Variants in CAMKK2 observed in about 807,000 individuals in gnomAD.
CAMKK2 encodes calcium/calmodulin dependent protein kinase kinase 2.
CAMKK2 carries 30 observed loss-of-function variants against 67.2 expected under a neutral mutation model. The ratio of observed to expected loss-of-function variants is 0.45; its 90% confidence interval spans 0.33 to 0.61. CAMKK2 has a LOEUF of 0.61. Ranked by LOEUF, CAMKK2 falls within the 20% of genes least tolerant of loss-of-function variation. CAMKK2 has a pLI of 0.02. For missense variants in CAMKK2, 643 were observed against 802.0 expected, an observed-to-expected ratio of 0.80 and a Z score of 2.39; for synonymous variants, 322 against 326.2, an observed-to-expected ratio of 0.99 and a Z score of 0.14.
chr12:121,270,919 G>T lies in CAMKK2; in HGVS notation c.498C>A (p.Thr166=). The part of the protein sequence containing the change: ...MQDCVQLNQY[T]LKDEIGKGSY... ...TTACCTTTCCAATTTCATCCTTCAGGGTATACTGATTCAGCTGCACACAGT... is the reference window on the plus strand; with the variant it reads ...TTACCTTTCCAATTTCATCCTTCAGTGTATACTGATTCAGCTGCACACAGT... Residue 166 remains threonine (T), a synonymous_variant, in exon 3 of 17, where the codon ACC becomes ACA. Coordinates refer to ENST00000404169, the MANE Select transcript of CAMKK2 (RefSeq NM_001270485.2). 7 of 1,613,548 alleles carry T rather than the reference G, an allele frequency of 4.3e-6. No homozygotes were observed. Among genetic ancestry groups the T allele is most frequent in the Non-Finnish European group, 5.1e-6 (6 of 1,179,648 alleles).
chr12:121,241,524 C>A (rs1283401611), intron 16 of CAMKK2, among the ~76,000 whole-genome samples: 1 of 152,232 alleles, frequency 6.6e-6, no homozygotes, highest in Non-Finnish European at 1.5e-5. Context: ...CTGGAGCCGC[C>A]GGTGTGACAG....
intron 16 of CAMKK2, 142 bp from the exon 17 acceptor site, chr12:121,241,011 G>C (rs76743041): frequency 1.3e-6 from 1 of 760,930 alleles, no homozygotes; most frequent in East Asian, 2.7e-5. Context: ...CCCAGTCTTT[G>C]AGATCCTCTC....
In CAMKK2 at chr12:121,263,788, G is replaced by A; in HGVS notation, c.759+18C>T. The A allele has an allele frequency of 6.3e-7, 1 of 1,589,276 alleles. No individual in the cohort carries two copies. Among genetic ancestry groups the A allele is most frequent in the South Asian group, 1.1e-5 (1 of 89,234 alleles). On this transcript the variant is annotated intron_variant, in intron 6 of 16. Coordinates refer to ENST00000404169, the MANE Select transcript of CAMKK2 (RefSeq NM_001270485.2). ...AAGCCAGGGCCTCCCTCCCTCCTGG[G>A]CGCCTCCACCCTTTTACCTCCACCA...
chr12:121,262,337 C>T (rs1307194054), intron 6 of CAMKK2, among the ~76,000 whole-genome samples: 1 of 151,918 alleles, frequency 6.6e-6, no homozygotes, highest in South Asian at 2.1e-4. Flanking sequence ...ACGGTGAAAC[C>T]CCATCTCCAT....
chr12:121,277,999 GAAAGA>G (rs1279312986), intron 1 of CAMKK2, among the ~76,000 whole-genome samples: 1 of 152,088 alleles, frequency 6.6e-6, no homozygotes, highest in African/African-American at 2.4e-5. Flanking sequence ...TGTTTTAAAG[GAAAGA>G]AAATACCTGT....
intron 3 of CAMKK2, 72 bp downstream of exon 3, chr12:121,270,826 C>T (rs1895611175): frequency 4.0e-6 from 5 of 1,239,060 alleles, no homozygotes; most frequent in Non-Finnish European, 6.0e-6. Flanking sequence ...CCCAGCTTTA[C>T]CCCGTTCCCT....
chr12:121,291,267 T>A (rs1323259762), intron 1 of CAMKK2, among the ~76,000 whole-genome samples: 4 of 152,058 alleles, frequency 2.6e-5, no homozygotes, highest in African/African-American at 4.8e-5. Context: ...CCAAACAGAG[T>A]GACAAAAAAA....
rs760949405 is a variant in CAMKK2 at position 121,296,280 on chromosome 12, G to A, written c.-60+358C>T. On this transcript the variant is annotated intron_variant, in intron 1 of 16. Transcript: ENST00000404169. This position sits in a 1 kb window ranked among gnomAD's most constrained non-coding sequence, Gnocchi z 7.1. Reference sequence around the variant, plus strand: ...GATTTCCCCACCTGTCAAACGCGAGGGGCTGGGCCTAGGCCGCCTCCACGA... The same window carrying A: ...GATTTCCCCACCTGTCAAACGCGAGAGGCTGGGCCTAGGCCGCCTCCACGA... 2.6e-5 allele frequency among the ~76,000 whole-genome samples: 4 copies of A among 152,130 alleles called. No homozygotes were observed. The highest frequency in any genetic ancestry group is 5.9e-5 in the Non-Finnish European group (4 of 67,996).
At position 121,240,693 on chromosome 12, in the gene CAMKK2, A is replaced by G. The variant is rs199743351; in HGVS notation, c.*6T>C. On this transcript the variant is annotated 3_prime_UTR_variant, in exon 17 of 17. Transcript: ENST00000404169. The surrounding 1 kb of genome is among the most constrained non-coding windows in gnomAD (Gnocchi z 4.4). ...GCGCGCATGCGAGGTCGAGCGATCC[A>G]GGCAGCTACTCGGGCTCCATGGCCT... The G allele has an allele frequency of 1.9e-6, 3 of 1,593,652 alleles. No homozygotes were observed. The highest frequency in any genetic ancestry group is 1.7e-6 in the Non-Finnish European group (2 of 1,173,610).
intron 1 of CAMKK2, among the ~76,000 whole-genome samples, chr12:121,286,018 G>A (rs943304222): frequency 3.9e-5 from 6 of 152,200 alleles, no homozygotes; most frequent in Non-Finnish European, 8.8e-5. Context: ...AAAGAGCTGA[G>A]GTTGAAGACA....
rs1190494424 is a variant in CAMKK2, at chr12:121,240,846, A to C, written c.1620T>G (p.Pro540=). 1.2e-6 allele frequency: 2 copies of C among 1,612,384 alleles called. No individual in the cohort carries two copies. The highest frequency in any genetic ancestry group is 2.7e-5 in the African/African-American group (2 of 74,924). The change falls in exon 17 of 17, where the codon CCT becomes CCG. Residue 540 remains proline (P), a synonymous_variant. Transcript: ENST00000404169. This position sits in a 1 kb window ranked among gnomAD's most constrained non-coding sequence, Gnocchi z 4.4. ...CACGGGGGGCGGGTCGGTGCCCTGG[A>C]GGTTGTCTTCGCTGCCTTGCTTCCT... ...ELKEARQRRQ[P]PGHRPAPRGG...
chr12:121,250,435 C>T (rs1308217963), intron 11 of CAMKK2, among the ~76,000 whole-genome samples: 1 of 152,184 alleles, frequency 6.6e-6, no homozygotes, highest in African/African-American at 2.4e-5. Context: ...AAGGGCTTAG[C>T]CTGGATCGCG....
chr12:121,246,490 G>A (rs1025233101), intron 14 of CAMKK2, among the ~76,000 whole-genome samples: 1 of 151,882 alleles, frequency 6.6e-6, no homozygotes. Flanking sequence ...AGGTTGCAGT[G>A]AGCCAAGACC....
chr12:121,252,670 G>A lies in CAMKK2; in HGVS notation c.1152C>T (p.Val384=), dbSNP rs12817639. 1.2e-6 allele frequency: 2 copies of A among 1,614,180 alleles called. No homozygotes were observed. The highest frequency in any genetic ancestry group is 8.5e-7 in the Non-Finnish European group (1 of 1,180,006). The change falls in exon 11 of 17, where the codon GTC becomes GTT. Residue 384 remains valine, a synonymous_variant. Transcript: ENST00000404169. ...WAMGVTLYCF[V]FGQCPFMDER... ...CACCCCGCCCTCTTACCTGGCCAAA[G>A]ACAAAGCAGTATAGTGTCACACCCA...
chr12:121,245,344 C>A lies in CAMKK2; in HGVS notation c.1453-104G>T. On this transcript the variant is annotated intron_variant, in intron 14 of 16. Transcript: ENST00000404169. This position sits in a 1 kb window ranked among gnomAD's most constrained non-coding sequence, Gnocchi z 5.8. ...CCTTCTCCCCAGCCCCTGCCAGCTC[C>A]CAGGGCTGGTGACCGATGGCAGACT... 1 of 742,016 alleles carries A rather than the reference C, an allele frequency of 1.3e-6. No individual in the cohort carries two copies. Among genetic ancestry groups the A allele is most frequent in the Non-Finnish European group, 2.4e-6 (1 of 421,706 alleles). 46.0% of individuals were successfully genotyped at this position (742,016 alleles called of 1,614,324 possible).
chr12:121,250,183 C>A, intron 11 of CAMKK2, 149 bp from the exon 12 acceptor site: 1 of 680,362 alleles, frequency 1.5e-6, no homozygotes, highest in East Asian at 2.7e-5. Flanking sequence ...CCATTCTCCC[C>A]GAGAATGGCC....
rs573798234 is a variant in CAMKK2, at chr12:121,285,624, C to T, written c.-60+11014G>A. On this transcript the variant is annotated intron_variant, in intron 1 of 16. Coordinates refer to ENST00000404169, the MANE Select transcript of CAMKK2 (RefSeq NM_001270485.2). The surrounding 1 kb of genome is among the most constrained non-coding windows in gnomAD (Gnocchi z 4.1). ...AGGAGTTTGAGACCAGCCTGGGCAA[C>T]ATGGCGAGACCTCATCGCTACAAAA... is the stretch of plus-strand genomic sequence containing the variant. Among the ~76,000 whole-genome samples, 80 of 152,174 alleles carry T rather than the reference C, an allele frequency of 5.3e-4. No homozygotes were observed. Among genetic ancestry groups the T allele is most frequent in the Middle Eastern group, 3.4e-3 (1 of 294 alleles).
Position 121,270,888 on chromosome 12 carries a change from G to A in CAMKK2, c.519+10C>T. ...ATGCAGAAAGCCAGCCTAGCCCCAG[G>A]GATATTTACCTTTCCAATTTCATCC... On this transcript the variant is annotated intron_variant, in intron 3 of 16. Transcript: ENST00000404169. The A allele has an allele frequency of 5.0e-6, 8 of 1,610,370 alleles. No homozygotes were observed. Among genetic ancestry groups the A allele is most frequent in the Non-Finnish European group, 5.9e-6 (7 of 1,176,752 alleles).
chr12:121,297,769 C>A (rs750407439), upstream of CAMKK2: 1 of 485,014 alleles, frequency 2.1e-6, no homozygotes, highest in Non-Finnish European at 4.1e-6. Context: ...GGGTGGATTT[C>A]CAGCCCGTTC....
Sources: gnomAD v4.1 joint callset for allele counts (sites outside exome capture counted in the v4.1 genomes callset) on GRCh38, gnomAD v4.1.1 for gene constraint, Gnocchi (gnomAD v3.1) non-coding constraint, MANE v1.5 for transcripts, NCBI Gene and HGNC (gene_info 2026-07-23, HGNC 2026-07-21) for gene names.